Variants in CA10 observed in about 807,000 individuals in gnomAD.
The protein encoded by CA10 is carbonic anhydrase 10 (inactive), also known as carbonic anhydrase-related protein 10.
CA10 carries 14 observed loss-of-function variants against 44.2 expected under a neutral mutation model. The ratio of observed to expected loss-of-function variants is 0.32; its 90% confidence interval spans 0.21 to 0.50. The LOEUF is 0.50. Among genes scored for constraint, CA10 ranks in the 20% least tolerant of loss-of-function variants. CA10 has a pLI of 0.99. For synonymous variants in CA10, 159 were observed against 141.6 expected, an observed-to-expected ratio of 1.12 and a Z score of -0.87; for missense variants, 350 against 409.7, an observed-to-expected ratio of 0.85 and a Z score of 1.26.
chr17:51,992,053 A>G (rs957367560), intron 2 of CA10, among the ~76,000 whole-genome samples: 3 of 151,980 alleles, frequency 2.0e-5, no homozygotes, highest in African/African-American at 4.8e-5. Flanking sequence ...TCAATTTTTC[A>G]TGAATGTTGA....
chr17:51,840,478 TACACACACACACACACACACAC>T (rs3033576), intron 3 of CA10, among the ~76,000 whole-genome samples: 1 of 146,620 alleles, frequency 6.8e-6, no homozygotes, highest in African/African-American at 2.5e-5. Context: ...CAACCTTTAA[TACACACACACACACACACACAC>T]ACACACACAC....
At chr17:52,085,774 GT>G (rs1567728402) in intron 1 of CA10, among the ~76,000 whole-genome samples, 2 of 152,060 alleles carry the variant, frequency 1.3e-5, no homozygotes, top group African/African-American at 4.8e-5. Flanking sequence ...TTAGACATTT[GT>G]TTCTCACTGA....
chr17:51,834,401 C>T (rs1908399303), intron 3 of CA10, among the ~76,000 whole-genome samples: 1 of 152,236 alleles, frequency 6.6e-6, no homozygotes, highest in South Asian at 2.1e-4. Context: ...CTGCCTCCTT[C>T]CTCAGATTCT....
chr17:51,938,919 G>C (rs1025870503), intron 2 of CA10, among the ~76,000 whole-genome samples: 1 of 151,968 alleles, frequency 6.6e-6, no homozygotes, highest in African/African-American at 2.4e-5. Flanking sequence ...TAGAATTTGA[G>C]ATCAGTTTCT....
At chr17:51,658,546 A>G (rs1225549064) in intron 4 of CA10, among the ~76,000 whole-genome samples, 1 of 152,168 alleles carries the variant, frequency 6.6e-6, no homozygotes, top group Non-Finnish European at 1.5e-5. Context: ...AGGGAAGCAT[A>G]TCACTTGTAG....
intron 1 of CA10, among the ~76,000 whole-genome samples, chr17:52,099,185 T>C (rs559623351): frequency 1.3e-5 from 2 of 151,894 alleles, no homozygotes; most frequent in South Asian, 2.1e-4. Context: ...GGCAGGAAAA[T>C]AGATGGTACT....
chr17:51,913,459 TTGTC>T (rs373602393), intron 3 of CA10, among the ~76,000 whole-genome samples: 1 of 152,290 alleles, frequency 6.6e-6, no homozygotes, highest in African/African-American at 2.4e-5. Flanking sequence ...TTTAAATTGT[TTGTC>T]TGAGATTTTT....
intron 3 of CA10, among the ~76,000 whole-genome samples, chr17:51,845,631 C>T (rs1448218792): frequency 2.0e-5 from 3 of 152,246 alleles, no homozygotes; most frequent in Non-Finnish European, 4.4e-5. Context: ...CAAAAGTATA[C>T]TCAAAATGCA....
intron 3 of CA10, among the ~76,000 whole-genome samples, chr17:51,822,971 C>T (rs546423242): frequency 1.1e-4 from 17 of 152,282 alleles, no homozygotes; most frequent in Middle Eastern, 3.4e-3. Flanking sequence ...ACTGCCCTCC[C>T]CCACCCACTT....
chr17:52,041,348 T>C (rs1986764090), intron 2 of CA10, among the ~76,000 whole-genome samples: 2 of 152,086 alleles, frequency 1.3e-5, no homozygotes, highest in Non-Finnish European at 1.5e-5. Flanking sequence ...AACATTGAGA[T>C]TGCTATTATC....
intron 3 of CA10, among the ~76,000 whole-genome samples, chr17:51,770,799 T>C (rs59065024): frequency 9.2e-5 from 14 of 151,888 alleles, no homozygotes; most frequent in Non-Finnish European, 1.8e-4. Flanking sequence ...AAGAGAGAGA[T>C]AGTGGTGGGG....
intron 4 of CA10, among the ~76,000 whole-genome samples, chr17:51,724,129 A>G (rs1916440645): frequency 2.0e-5 from 3 of 152,208 alleles, no homozygotes. Context: ...AGATTCAGTA[A>G]ACAGTTATTT....
chr17:51,644,954 A>G (rs745370501), intron 6 of CA10, among the ~76,000 whole-genome samples: 3 of 151,578 alleles, frequency 2.0e-5, no homozygotes, highest in South Asian at 4.2e-4. Context: ...GCGCGCCACA[A>G]TCCCAGCTAA....
intron 3 of CA10, among the ~76,000 whole-genome samples, chr17:51,812,868 G>C (rs928933110): frequency 1.3e-5 from 2 of 152,154 alleles, no homozygotes; most frequent in African/African-American, 4.8e-5. Context: ...GTACTGATGA[G>C]AGCCATCAGG....
chr17:51,965,173 A>C (rs925794861), intron 2 of CA10, among the ~76,000 whole-genome samples: 1 of 151,910 alleles, frequency 6.6e-6, no homozygotes, highest in Non-Finnish European at 1.5e-5. Flanking sequence ...CCTGGAAATG[A>C]ACAACCTCCC....
chr17:52,028,807 C>T (rs1390900841), intron 2 of CA10, among the ~76,000 whole-genome samples: 1 of 152,164 alleles, frequency 6.6e-6, no homozygotes, highest in South Asian at 2.1e-4. Flanking sequence ...ATTGTTGACT[C>T]TTAGAGTGCC....
intron 1 of CA10, among the ~76,000 whole-genome samples, chr17:52,108,423 G>A (rs188932983): frequency 6.6e-6 from 1 of 151,562 alleles, no homozygotes; most frequent in African/African-American, 2.4e-5. Flanking sequence ...CATGGGCCAG[G>A]CGCAGTGGCT....
chr17:52,019,157 T>C (rs1481328621), intron 2 of CA10, among the ~76,000 whole-genome samples: 1 of 152,026 alleles, frequency 6.6e-6, no homozygotes, highest in Non-Finnish European at 1.5e-5. Flanking sequence ...ATTACAAAAT[T>C]CCAGGTGTTC....
chr17:52,080,403 G>A (rs1276302267), intron 1 of CA10, among the ~76,000 whole-genome samples: 1 of 151,708 alleles, frequency 6.6e-6, no homozygotes, highest in Non-Finnish European at 1.5e-5. Flanking sequence ...AGTGAGCCGA[G>A]ATTGCACCAC....
Sources: gnomAD v4.1 joint callset for allele counts (sites outside exome capture counted in the v4.1 genomes callset) on GRCh38, gnomAD v4.1.1 for gene constraint, MANE v1.5 for transcripts, NCBI Gene and HGNC (gene_info 2026-07-23, HGNC 2026-07-21) for gene names.